The following NPAS3 variants were observed in gnomAD, a reference collection of about 807,000 sequenced individuals.
The protein encoded by NPAS3 is neuronal PAS domain-containing protein 3.
Under a neutral mutation model 73.1 loss-of-function variants are expected in NPAS3, and 14 were observed. The observed-to-expected ratio is 0.19, with a 90% CI of 0.13 to 0.30. The LOEUF (loss-of-function observed/expected upper bound fraction) is 0.30. NPAS3 is among the 10% of genes least tolerant of loss of function. The pLI is 1.00. For missense variants in NPAS3, 1,096 were observed against 1,250.0 expected (o/e 0.88, Z 1.86); for synonymous variants, 620 against 541.5 (o/e 1.14, Z -2.01).
At chr14:33,799,238 G>A (rs1316708450) in intron 11 of NPAS3, among the ~76,000 whole-genome samples, 1 of 152,198 alleles carries the variant, frequency 6.6e-6, no homozygotes, top group African/African-American at 2.4e-5. Context: ...ATAGAAAGGA[G>A]AGTGGCTCTC....
At chr14:33,559,960 A>G (rs1333172992) in intron 4 of NPAS3, among the ~76,000 whole-genome samples, 161 bp from the exon 5 acceptor site, 1 of 151,338 alleles carries the variant, frequency 6.6e-6, no homozygotes, top group Non-Finnish European at 1.5e-5. Context: ...CAGTGAGCCG[A>G]GATTGTGCCA....
chr14:33,775,849 C>T (rs1049180233), intron 8 of NPAS3, among the ~76,000 whole-genome samples: 3 of 152,290 alleles, frequency 2.0e-5, no homozygotes, highest in African/African-American at 2.4e-5. Flanking sequence ...AGATGGCTGG[C>T]GTTTACTGAT....
At chr14:33,787,597 TA>T (rs1212321455) in intron 9 of NPAS3, among the ~76,000 whole-genome samples, 1 of 27,126 alleles carries the variant, frequency 3.7e-5, no homozygotes, top group Non-Finnish European at 7.4e-5. Flanking sequence ...CATATAGATT[TA>T]CAAAAAAAAA....
intron 9 of NPAS3, among the ~76,000 whole-genome samples, chr14:33,793,512 T>C (rs1473036231): frequency 6.6e-6 from 1 of 152,240 alleles, no homozygotes; most frequent in African/African-American, 2.4e-5. Context: ...CAAAGAGGTC[T>C]ACCTCCAAGC....
intron 3 of NPAS3, among the ~76,000 whole-genome samples, chr14:33,264,696 A>G (rs989938499): frequency 9.9e-5 from 15 of 152,150 alleles, no homozygotes; most frequent in Admixed American, 9.2e-4. Flanking sequence ...TTCTCCTTCT[A>G]GCAAATCCTT....
rs1555353807 is a variant in NPAS3 at position 33,197,267 on chromosome 14, G to GTGTGTGTGTGTGTGTGTT, written c.141-17914_141-17913insGTGTGTGTGTGTGTGTTT. 9.8e-3 allele frequency among the ~76,000 whole-genome samples: 1,465 copies of GTGTGTGTGTGTGTGTGTT among 148,760 alleles called. 12 individuals are homozygous for GTGTGTGTGTGTGTGTGTT. Among genetic ancestry groups the GTGTGTGTGTGTGTGTGTT allele is most frequent in the Middle Eastern group, 0.027 (8 of 294 alleles). ...TGTGTGTGTGTGTGTGTGTGTGTGTGTTCTTTTTCAATTGAGATCCACTGT... is the reference window on the plus strand; with the variant it reads ...TGTGTGTGTGTGTGTGTGTGTGTGTGTGTGTGTGTGTGTGTGTTTTCTTTTTCAATTGAGATCCACTGT... On this transcript the variant is annotated intron_variant, in intron 2 of 11. Coordinates refer to ENST00000356141, the Ensembl canonical transcript of NPAS3.
upstream of NPAS3, among the ~76,000 whole-genome samples, chr14:32,938,619 AC>A (rs1235582111): frequency 3.3e-5 from 5 of 149,794 alleles, no homozygotes; most frequent in African/African-American, 1.2e-4. Flanking sequence ...TCAAGCTGGA[AC>A]CCCCCGCGTG....
rs552929129 is a variant in NPAS3, at chr14:33,316,874, T to C, written c.386-50312T>C. Among the ~76,000 whole-genome samples the C allele has an allele frequency of 4.6e-5, 7 of 152,226 alleles. No homozygotes were observed. In the East Asian group the frequency reaches 1.4e-3, roughly 29 times the overall value. On this transcript the variant is annotated intron_variant, in intron 3 of 11. Transcript: ENST00000356141. The stretch of plus-strand genomic sequence containing the variant: ...AACTCAATCTAAGGAAGAGCAGTCA[T>C]ACCAAGACCTCAGAATTGTAAAGGA...
intron 5 of NPAS3, among the ~76,000 whole-genome samples, chr14:33,652,511 G>A (rs1008443335): frequency 2.6e-5 from 4 of 152,190 alleles, no homozygotes; most frequent in Admixed American, 2.6e-4. Flanking sequence ...GTGATGGGCT[G>A]GCCTAGTGAC....
chr14:33,658,298 A>G (rs1411448855), intron 5 of NPAS3, among the ~76,000 whole-genome samples: 1 of 152,224 alleles, frequency 6.6e-6, no homozygotes, highest in Non-Finnish European at 1.5e-5. Flanking sequence ...CAGATAGAGG[A>G]GAAACAAGAA....
intron 5 of NPAS3, among the ~76,000 whole-genome samples, chr14:33,612,215 A>G (rs768906531): frequency 7.9e-5 from 12 of 152,332 alleles, no homozygotes; most frequent in Non-Finnish European, 1.8e-4. Context: ...GGGGAGAATG[A>G]AAAGAGGGAA....
chr14:33,283,321 G>A (rs1377509400), intron 3 of NPAS3, among the ~76,000 whole-genome samples: 3 of 152,148 alleles, frequency 2.0e-5, no homozygotes, highest in Non-Finnish European at 4.4e-5. Context: ...GTTTGGCTTA[G>A]CATTACATTT....
At chr14:32,993,887 A>C (rs865793727) in intron 1 of NPAS3, among the ~76,000 whole-genome samples, 4 of 152,224 alleles carry the variant, frequency 2.6e-5, no homozygotes, top group South Asian at 4.1e-4. Flanking sequence ...TAGCATGAAA[A>C]TCTTTCCAGG....
intron 4 of NPAS3, among the ~76,000 whole-genome samples, chr14:33,527,798 G>A (rs569554246): frequency 6.6e-6 from 1 of 152,232 alleles, no homozygotes; most frequent in South Asian, 2.1e-4. Flanking sequence ...CAAGTGCTGG[G>A]GGCTTCCTTT....
chr14:33,456,841 T>G (rs1190180560), intron 4 of NPAS3, among the ~76,000 whole-genome samples: 1 of 151,958 alleles, frequency 6.6e-6, no homozygotes, highest in Non-Finnish European at 1.5e-5. Flanking sequence ...GGGGTAAAGG[T>G]TGAGTGTGGG....
intron 1 of NPAS3, among the ~76,000 whole-genome samples, chr14:32,942,958 CA>C: frequency 6.6e-6 from 1 of 152,236 alleles, no homozygotes; most frequent in African/African-American, 2.4e-5. Flanking sequence ...CATGATCCAC[CA>C]GAGAGGATAT....
chr14:33,726,042 A>C (rs970872028), intron 6 of NPAS3, among the ~76,000 whole-genome samples: 1 of 151,918 alleles, frequency 6.6e-6, no homozygotes, highest in African/African-American at 2.4e-5. Flanking sequence ...TCTGTTCCTC[A>C]TTCAATATCC....
chr14:33,194,124 G>T (rs1030298995), intron 2 of NPAS3, among the ~76,000 whole-genome samples: 2 of 152,116 alleles, frequency 1.3e-5, no homozygotes, highest in African/African-American at 4.8e-5. Flanking sequence ...AAATTGGCTG[G>T]TATTATTTTT....
At chr14:33,202,321 T>C (rs561796387) in intron 2 of NPAS3, among the ~76,000 whole-genome samples, 3 of 152,032 alleles carry the variant, frequency 2.0e-5, no homozygotes, top group African/African-American at 7.2e-5. Flanking sequence ...GAGAATTGCT[T>C]GAATCTGGGA....
Sources: allele counts gnomAD v4.1 joint callset (sites outside exome capture counted in the v4.1 genomes callset), GRCh38; gene constraint gnomAD v4.1.1; transcripts MANE v1.5; gene names NCBI Gene and HGNC (gene_info 2026-07-23, HGNC 2026-07-21).